The following FER variants were observed in gnomAD, a reference collection of about 807,000 sequenced individuals.
The protein encoded by FER is tyrosine-protein kinase Fer.
In FER, 63 loss-of-function variants were observed where a neutral mutation model predicts 111.0. The observed-to-expected ratio is 0.57, with a 90% CI of 0.46 to 0.70. FER has a LOEUF of 0.70. FER is among the 30% of genes least tolerant of loss of function. The pLI, the probability that FER is intolerant of heterozygous loss-of-function variation, is 0.00. For missense variants in FER, 914 were observed against 954.0 expected, an observed-to-expected ratio of 0.96 and a Z score of 0.55; for synonymous variants, 327 against 313.9, an observed-to-expected ratio of 1.04 and a Z score of -0.44.
At chr5:108,927,112 C>G (rs1020949469) in intron 10 of FER, among the ~76,000 whole-genome samples, 4 of 151,948 alleles carry the variant, frequency 2.6e-5, no homozygotes, top group African/African-American at 7.3e-5. Flanking sequence ...ACTTCCCTCT[C>G]CTATTATAAT....
intron 13 of FER, among the ~76,000 whole-genome samples, chr5:109,016,358 T>C (rs552433836): frequency 6.6e-6 from 1 of 152,156 alleles, no homozygotes; most frequent in South Asian, 2.1e-4. Flanking sequence ...AAGATTGTCT[T>C]TGTTGATTAA....
chr5:108,862,949 C>G (rs1763673758), intron 5 of FER, among the ~76,000 whole-genome samples: 1 of 152,124 alleles, frequency 6.6e-6, no homozygotes, highest in Non-Finnish European at 1.5e-5. Context: ...ATTAATATGA[C>G]TTAGCTTCTA....
At chr5:108,849,431 C>T (rs994216741) in intron 5 of FER, among the ~76,000 whole-genome samples, 1 of 151,608 alleles carries the variant, frequency 6.6e-6, no homozygotes, top group African/African-American at 2.4e-5. Flanking sequence ...GCCTAATTGC[C>T]TTTAATCCCA....
intron 16 of FER, among the ~76,000 whole-genome samples, chr5:109,056,638 A>G (rs1773685506): frequency 6.6e-6 from 1 of 152,192 alleles, no homozygotes; most frequent in South Asian, 2.1e-4. Context: ...AAGTCTAGAG[A>G]TGTAATTTAC....
chr5:109,014,147 A>G (rs975785815), intron 13 of FER, among the ~76,000 whole-genome samples: 2 of 151,374 alleles, frequency 1.3e-5, no homozygotes, highest in Non-Finnish European at 2.9e-5. Context: ...TTAGACATGA[A>G]GTCCTTGCCC....
At chr5:108,872,958 T>C (rs1456754719) in intron 8 of FER, among the ~76,000 whole-genome samples, 2 of 152,096 alleles carry the variant, frequency 1.3e-5, no homozygotes, top group African/African-American at 4.8e-5. Flanking sequence ...GTTAGACATG[T>C]TATATCATAT....
chr5:108,822,398 C>G (rs1422610577), intron 3 of FER, among the ~76,000 whole-genome samples: 2 of 152,152 alleles, frequency 1.3e-5, no homozygotes, highest in African/African-American at 4.8e-5. Flanking sequence ...GCTTATAGTT[C>G]TGTAGGCTGG....
chr5:109,004,003 C>T (rs965413762), intron 13 of FER, among the ~76,000 whole-genome samples: 5 of 151,982 alleles, frequency 3.3e-5, no homozygotes, highest in African/African-American at 1.2e-4. Context: ...AAACAACAAA[C>T]CAATTGTACA....
At chr5:108,918,638 C>A (rs1409046589) in intron 10 of FER, among the ~76,000 whole-genome samples, 1 of 152,022 alleles carries the variant, frequency 6.6e-6, no homozygotes, top group Non-Finnish European at 1.5e-5. Context: ...AGGCCCCCGC[C>A]ACCACGCCTG....
intron 12 of FER, among the ~76,000 whole-genome samples, chr5:108,957,654 A>G (rs1187082946): frequency 3.3e-5 from 5 of 151,662 alleles, no homozygotes; most frequent in Non-Finnish European, 4.4e-5. Flanking sequence ...CTGTACTCCC[A>G]TGCTTATTGC....
intron 3 of FER, among the ~76,000 whole-genome samples, 195 bp downstream of exon 3, chr5:108,798,584 A>C (rs1211735247): frequency 6.6e-6 from 1 of 152,172 alleles, no homozygotes; most frequent in African/African-American, 2.4e-5. Context: ...ATGGTGGCTC[A>C]CACCTGTAAT....
intron 17 of FER, among the ~76,000 whole-genome samples, chr5:109,161,446 T>C (rs1326110181): frequency 6.6e-6 from 1 of 152,076 alleles, no homozygotes; most frequent in Non-Finnish European, 1.5e-5. Flanking sequence ...CAAGTGTGTA[T>C]TGTTCCCCTC....
intron 1 of FER, among the ~76,000 whole-genome samples, chr5:108,750,921 G>A (rs576474929): frequency 1.2e-3 from 185 of 152,338 alleles, no homozygotes; most frequent in African/African-American, 4.2e-3. Context: ...GGCCGGGCGC[G>A]GTGGCTCATG....
In FER at chr5:109,013,524, A is replaced by G. The variant is rs1408998438; in HGVS notation, c.1657-23898A>G. Among the ~76,000 whole-genome samples the G allele has an allele frequency of 4.0e-5, 6 of 150,286 alleles. No homozygotes were observed. In the East Asian group the frequency reaches 5.9e-4, roughly 15 times the overall value. On this transcript the variant is annotated intron_variant, in intron 13 of 19. Transcript: ENST00000281092. ...TTCCAAGTCTTTGCTATTGTGAATAATGCCGCAATAAACATACGTGTGCAT... is the reference window on the plus strand; with the variant it reads ...TTCCAAGTCTTTGCTATTGTGAATAGTGCCGCAATAAACATACGTGTGCAT...
intron 14 of FER, among the ~76,000 whole-genome samples, chr5:109,042,384 A>G (rs1050091040): frequency 2.0e-5 from 3 of 152,098 alleles, no homozygotes; most frequent in Admixed American, 6.5e-5. Context: ...CCTCCCCTTT[A>G]AAGCAAAGGT....
At chr5:108,778,421 G>A (rs1181150451) in intron 2 of FER, among the ~76,000 whole-genome samples, 1 of 152,128 alleles carries the variant, frequency 6.6e-6, no homozygotes, top group Non-Finnish European at 1.5e-5. Flanking sequence ...CTTCCAAAGT[G>A]GCCATACCAT....
intron 13 of FER, among the ~76,000 whole-genome samples, chr5:109,035,315 A>T (rs1770224345): frequency 6.6e-6 from 1 of 152,102 alleles, no homozygotes; most frequent in South Asian, 2.1e-4. Flanking sequence ...CTCAACTCCT[A>T]CCCCAAGCAA....
intron 5 of FER, among the ~76,000 whole-genome samples, chr5:108,863,454 T>C (rs1237263977): frequency 6.6e-6 from 1 of 152,208 alleles, no homozygotes; most frequent in East Asian, 1.9e-4. Flanking sequence ...TAATGAAATA[T>C]ATTCTGTAAG....
intron 17 of FER, 26 bp from the exon 18 acceptor site, chr5:109,180,721 G>T (rs200627157): frequency 1.9e-6 from 3 of 1,572,032 alleles, no homozygotes; most frequent in Admixed American, 2.1e-5. Flanking sequence ...TTTAATAGGC[G>T]TTTTCTGTGT....
Sources: gnomAD v4.1 joint callset for allele counts (sites outside exome capture counted in the v4.1 genomes callset) on GRCh38, gnomAD v4.1.1 for gene constraint, MANE v1.5 for transcripts, NCBI Gene and HGNC (gene_info 2026-07-23, HGNC 2026-07-21) for gene names.